The following PCNX2 variants were observed in gnomAD, a reference collection of about 807,000 sequenced individuals.
PCNX2 encodes the protein pecanex-like protein 2.
A neutral mutation model predicts 223.8 loss-of-function variants in PCNX2; 168 were observed. The ratio of observed to expected loss-of-function variants is 0.75; its 90% CI spans 0.66 to 0.85. PCNX2 has a LOEUF of 0.85. Ranked by LOEUF, PCNX2 falls within the 40% of genes least tolerant of loss-of-function variation. The pLI, the probability that PCNX2 is intolerant of heterozygous loss-of-function variation, is 0.00. For synonymous variants in PCNX2, 1,006 were observed against 1,052.6 expected, an observed-to-expected ratio of 0.96 and a Z score of 0.86; for missense variants, 2,507 against 2,675.5, an observed-to-expected ratio of 0.94 and a Z score of 1.39.
intron 19 of PCNX2, among the ~76,000 whole-genome samples, chr1:233,159,783 G>A (rs1306713074): frequency 6.6e-6 from 1 of 152,188 alleles, no homozygotes; most frequent in Non-Finnish European, 1.5e-5. Flanking sequence ...AGTCAACCAC[G>A]TGTAGATACA....
At chr1:233,131,806 C>T (rs1676520883) in intron 21 of PCNX2, among the ~76,000 whole-genome samples, 1 of 152,090 alleles carries the variant, frequency 6.6e-6, no homozygotes, top group African/African-American at 2.4e-5. Flanking sequence ...AATGCTCCCT[C>T]AATTAGAGAA....
intron 25 of PCNX2, among the ~76,000 whole-genome samples, chr1:233,044,711 C>T (rs990758898): frequency 1.3e-5 from 2 of 151,922 alleles, no homozygotes; most frequent in Non-Finnish European, 2.9e-5. Flanking sequence ...TCTTGTCGCC[C>T]AGGCTGGGGT....
At chr1:233,290,953 A>T in intron 1 of PCNX2, 3 of 985,410 alleles carry the variant, frequency 3.0e-6, no homozygotes, top group Non-Finnish European at 3.6e-6. Flanking sequence ...GAAGGATGTG[A>T]AAGTTCCAAC....
intron 26 of PCNX2, among the ~76,000 whole-genome samples, chr1:233,018,447 C>T (rs1670761418): frequency 6.6e-6 from 1 of 152,230 alleles, no homozygotes; most frequent in South Asian, 2.1e-4. Flanking sequence ...ATGTTTCCTT[C>T]TTAATCAGAC....
chr1:233,142,170 CTA>C (rs996829273), intron 19 of PCNX2, among the ~76,000 whole-genome samples: 6 of 152,124 alleles, frequency 3.9e-5, no homozygotes, highest in Admixed American at 3.9e-4. Flanking sequence ...ACAATAAAGT[CTA>C]GACATATTAG....
chr1:233,017,121 G>A lies in PCNX2; in HGVS notation c.4639C>T (p.Leu1547Phe), dbSNP rs940313432. The A allele has an allele frequency of 1.3e-6, 2 of 1,498,394 alleles. No individual in the cohort carries two copies. The highest frequency in any genetic ancestry group is 2.7e-5 in the East Asian group (1 of 37,650). 92.8% of individuals were successfully genotyped at this position (1,498,394 alleles called of 1,614,324 possible). Residue 1547 changes from leucine (L) to phenylalanine (F), a missense_variant, in exon 27 of 34, where the codon CTC becomes TTC. Around this residue, in one of 3 missense-constraint regions of PCNX2, gnomAD observed 1,372 missense variants for 1,509.4 expected, o/e 0.91. Coordinates refer to ENST00000258229, the MANE Select transcript of PCNX2 (RefSeq NM_014801.4). ...IIYYMVTSPK[L>F]LSWIKNESLL... ...GATTCATTTTTGATCCAGGAGAGGA[G>A]TTTGGGAGACGTTACCATATAGTAT...
In PCNX2 at chr1:233,182,943, C is replaced by T. The variant is rs753344690; in HGVS notation, c.3067-3768G>A. Among the ~76,000 whole-genome samples, 49 of 152,258 alleles carry T rather than the reference C, an allele frequency of 3.2e-4. 1 individual carries two copies. Among genetic ancestry groups the T allele is most frequent in the Middle Eastern group, 3.4e-3 (1 of 294 alleles). ...TCAGGGGCATAGCTGGGCTCTGCCC[C>T]TCAGCAGAGAGCACCTGCCCACAGG... On this transcript the variant is annotated intron_variant, in intron 15 of 33. Coordinates refer to ENST00000258229, the MANE Select transcript of PCNX2 (RefSeq NM_014801.4).
In PCNX2 at chr1:233,227,319, A is replaced by T; in HGVS notation, c.2411T>A (p.Phe804Tyr). 1 of 1,613,634 alleles carries T rather than the reference A, an allele frequency of 6.2e-7. No homozygotes were observed. The highest frequency in any genetic ancestry group is 8.5e-7 in the Non-Finnish European group (1 of 1,179,706). The change falls in exon 10 of 34, where the codon TTT becomes TAT. Residue 804 changes from phenylalanine (F) to tyrosine (Y), a missense_variant. By Grantham distance (22) the Phe-to-Tyr change is conservative (BLOSUM62 3). Around this residue, in one of 3 missense-constraint regions of PCNX2, gnomAD observed 1,031 missense variants for 1,021.7 expected, o/e 1.01. Transcript: ENST00000258229. ...AAATTTGTAAAACTGCTCTCGGTTA[A>T]ATTTTCCTTGTGTTGAAGAACATGA... is the stretch of plus-strand genomic sequence containing the variant. Reference protein sequence around the residue: ...ASSCSSTQGKFNREQFYKFII... With the variant: ...ASSCSSTQGKYNREQFYKFII...
intron 12 of PCNX2, among the ~76,000 whole-genome samples, chr1:233,211,256 G>C (rs1054152269): frequency 6.6e-6 from 1 of 152,038 alleles, no homozygotes; most frequent in Admixed American, 6.5e-5. Context: ...CCAGCTCCAG[G>C]CTTCATTCCC....
At chr1:233,261,045 G>A (rs532687956) in intron 4 of PCNX2, among the ~76,000 whole-genome samples, 1 of 152,206 alleles carries the variant, frequency 6.6e-6, no homozygotes, top group East Asian at 1.9e-4. Flanking sequence ...GGCATAGACT[G>A]GAGAAATGAC....
chr1:233,274,779 G>A (rs1660824666), intron 1 of PCNX2, among the ~76,000 whole-genome samples: 1 of 152,220 alleles, frequency 6.6e-6, no homozygotes, highest in Non-Finnish European at 1.5e-5. Context: ...CAGACATGCG[G>A]TATTTGAAGT....
intron 25 of PCNX2, among the ~76,000 whole-genome samples, chr1:233,028,755 T>C (rs1339317447): frequency 2.0e-5 from 3 of 152,110 alleles, no homozygotes; most frequent in Admixed American, 6.6e-5. Context: ...TGTAATGTGG[T>C]TATTTATAGG....
At position 233,198,968 on chromosome 1, in the gene PCNX2, G is replaced by A. The variant is rs1680894799; in HGVS notation, c.3037C>T (p.Leu1013Phe). The A allele has an allele frequency of 1.2e-6, 2 of 1,606,062 alleles. No homozygotes were observed. Among genetic ancestry groups the A allele is most frequent in the Non-Finnish European group, 1.7e-6 (2 of 1,176,786 alleles). ...VARSVLAAALLHAVCFSAVKE... is the reference protein window; with the variant it reads ...VARSVLAAALFHAVCFSAVKE... ...ACTGCACTGAAGCAGACTGCGTGGA[G>A]CAGGGCGGCAGCCAAGACGCTCCGG... The change falls in exon 15 of 34, where the codon CTC (leucine) becomes TTC (phenylalanine). Residue 1013 changes from leucine (L) to phenylalanine (F), a missense_variant. Leu to Phe is a conservative substitution (Grantham distance 22, BLOSUM62 0). Around this residue, in one of 3 missense-constraint regions of PCNX2, gnomAD observed 1,372 missense variants for 1,509.4 expected, o/e 0.91. Transcript: ENST00000258229.
chr1:233,169,617 C>T (rs971623729), intron 17 of PCNX2, among the ~76,000 whole-genome samples: 1 of 145,222 alleles, frequency 6.9e-6, no homozygotes, highest in Admixed American at 7.2e-5. Flanking sequence ...TGCACTCCAG[C>T]CTGGGCGACA....
At chr1:233,109,064 A>T (rs1674969194) in intron 21 of PCNX2, among the ~76,000 whole-genome samples, 1 of 152,184 alleles carries the variant, frequency 6.6e-6, no homozygotes, top group Non-Finnish European at 1.5e-5. Flanking sequence ...AACACAAGTT[A>T]TCCCTCCAGG....
chr1:233,316,599 T>C, the PCNX2 span, among the ~76,000 whole-genome samples: 1 of 152,224 alleles, frequency 6.6e-6, no homozygotes, highest in Non-Finnish European at 1.5e-5. Context: ...GCTGTCATAC[T>C]GACATAATGA....
intron 15 of PCNX2, among the ~76,000 whole-genome samples, chr1:233,182,687 G>A (rs1029674217): frequency 4.6e-5 from 7 of 152,054 alleles, no homozygotes; most frequent in Non-Finnish European, 1.0e-4. Context: ...TCCTGCCTTT[G>A]CCTACATGGT....
intron 17 of PCNX2, among the ~76,000 whole-genome samples, chr1:233,173,288 TC>T (rs1488262530): frequency 1.3e-5 from 2 of 152,100 alleles, no homozygotes; most frequent in Non-Finnish European, 2.9e-5. Flanking sequence ...TGCCTCAGCC[TC>T]CCAAGTAGCT....
At chr1:233,057,189 T>C (rs901111128) in intron 24 of PCNX2, 43 bp downstream of exon 24, 12 of 1,473,426 alleles carry the variant, frequency 8.1e-6, no homozygotes, top group Non-Finnish European at 1.1e-5. Flanking sequence ...AATCCATCCA[T>C]ACAACAATAA....
Sources: allele counts gnomAD v4.1 joint callset (sites outside exome capture counted in the v4.1 genomes callset), GRCh38; gene constraint gnomAD v4.1.1; regional missense constraint gnomAD v4.1.1; transcripts MANE v1.5; gene names NCBI Gene and HGNC (gene_info 2026-07-23, HGNC 2026-07-21).